SPATA6: variants seen among roughly 807,000 people sequenced by gnomAD.
SPATA6 encodes spermatogenesis-associated protein 6.
In SPATA6, 56 loss-of-function variants were observed where a neutral mutation model predicts 65.3. That is an observed-to-expected ratio of 0.86 (90% CI 0.69 to 1.07). SPATA6 has a LOEUF of 1.07. SPATA6 is among the 50% of genes least tolerant of loss of function. The pLI is 0.00. For missense variants in SPATA6, 590 were observed against 594.8 expected (o/e 0.99, Z 0.08); for synonymous variants, 199 against 213.2 (o/e 0.93, Z 0.58).
At position 48,316,513 on chromosome 1, in the gene SPATA6, C is replaced by A. The variant is rs1278010852; in HGVS notation, c.1195-10635G>T. Among the ~76,000 whole-genome samples, 4 of 152,248 alleles carry A rather than the reference C, an allele frequency of 2.6e-5. No individual in the cohort carries two copies. The South Asian group carries it at 8.3e-4, about 32-fold the overall frequency. On this transcript the variant is annotated intron_variant, in intron 11 of 12. Coordinates refer to ENST00000371847, the MANE Select transcript of SPATA6 (RefSeq NM_019073.4). ...AGCTGAAACTGGATCCCTTCCTACA[C>A]CTTATACAAAAATTAATTCAAGATG...
Position 48,403,790 on chromosome 1 carries a change from A to G in SPATA6, c.486+12T>C. On this transcript the variant is annotated intron_variant, in intron 6 of 12. Coordinates refer to ENST00000371847, the MANE Select transcript of SPATA6 (RefSeq NM_019073.4). Reference sequence around the variant, plus strand: ...ATTAAACCATTAAATACTTTATACAAATAATTTTAACCTGAGTGTGGCATT... The same window carrying G: ...ATTAAACCATTAAATACTTTATACAGATAATTTTAACCTGAGTGTGGCATT... The G allele has an allele frequency of 6.3e-6, 10 of 1,588,894 alleles. No individual in the cohort carries two copies. The highest frequency in any genetic ancestry group is 8.6e-6 in the Non-Finnish European group (10 of 1,166,494).
At chr1:48,309,914 G>A (rs144078704) in intron 11 of SPATA6, among the ~76,000 whole-genome samples, 7 of 152,266 alleles carry the variant, frequency 4.6e-5, no homozygotes, top group Admixed American at 2.0e-4. Flanking sequence ...AGCCTAAGCC[G>A]TAACTGATTG....
intron 11 of SPATA6, among the ~76,000 whole-genome samples, chr1:48,348,108 CGG>C (rs1166373500): frequency 6.6e-6 from 1 of 151,968 alleles, no homozygotes; most frequent in African/African-American, 2.4e-5. Context: ...CTAGCTTTTG[CGG>C]GCAGTGGGCA....
At chr1:48,367,482 G>C (rs958858928) in intron 9 of SPATA6, among the ~76,000 whole-genome samples, 12 of 152,198 alleles carry the variant, frequency 7.9e-5, no homozygotes, top group African/African-American at 2.9e-4. Context: ...GCATGCTCCT[G>C]TATTTGGTGC....
At chr1:48,453,554 C>A (rs1348577582) in intron 1 of SPATA6, among the ~76,000 whole-genome samples, 8 of 152,326 alleles carry the variant, frequency 5.3e-5, no homozygotes, top group African/African-American at 1.9e-4. Context: ...AACCACAAAT[C>A]TGACTTCTAT....
At chr1:48,457,249 T>C (rs574572160) in intron 1 of SPATA6, among the ~76,000 whole-genome samples, 15 of 152,048 alleles carry the variant, frequency 9.9e-5, no homozygotes, top group Admixed American at 8.5e-4. Flanking sequence ...TTGGCCAACA[T>C]GGCGAAACCC....
chr1:48,406,645 C>A (rs757997376), intron 5 of SPATA6, among the ~76,000 whole-genome samples: 14 of 152,168 alleles, frequency 9.2e-5, no homozygotes, highest in Non-Finnish European at 1.3e-4. Flanking sequence ...ATGGAGTTCA[C>A]AATCTAGAAC....
chr1:48,369,142 G>T (rs1419125964), intron 9 of SPATA6, among the ~76,000 whole-genome samples: 1 of 152,140 alleles, frequency 6.6e-6, no homozygotes, highest in Non-Finnish European at 1.5e-5. Context: ...TGCCTGATCG[G>T]TCCTCTGGAA....
intron 11 of SPATA6, among the ~76,000 whole-genome samples, chr1:48,311,987 AG>A (rs1371811368): frequency 6.6e-6 from 1 of 152,182 alleles, no homozygotes; most frequent in Non-Finnish European, 1.5e-5. Context: ...CAACAGTCTG[AG>A]ATAAAACTGC....
At chr1:48,279,964 G>C in the SPATA6 span, among the ~76,000 whole-genome samples, 1 of 152,156 alleles carries the variant, frequency 6.6e-6, no homozygotes, top group South Asian at 2.1e-4. Flanking sequence ...TAAAAGAACA[G>C]AAATTATAAC....
intron 8 of SPATA6, among the ~76,000 whole-genome samples, chr1:48,387,235 A>G (rs1649570903): frequency 6.6e-6 from 1 of 152,082 alleles, no homozygotes; most frequent in Admixed American, 6.5e-5. Flanking sequence ...ATTGCCTCCC[A>G]CCAGGCTCCT....
chr1:48,420,726 T>C (rs79478492), intron 3 of SPATA6, among the ~76,000 whole-genome samples: 2,050 of 152,264 alleles, frequency 0.013, 27 homozygotes, highest in Non-Finnish European at 0.017. Flanking sequence ...AGTTGCAGCA[T>C]TGACCCAGTA....
intron 11 of SPATA6, among the ~76,000 whole-genome samples, chr1:48,350,006 T>G (rs1018514753): frequency 2.0e-5 from 3 of 151,904 alleles, no homozygotes; most frequent in African/African-American, 7.2e-5. Flanking sequence ...GGTCATATGA[T>G]AAGTATATGT....
At chr1:48,310,043 A>G (rs947262107) in intron 11 of SPATA6, among the ~76,000 whole-genome samples, 1 of 152,232 alleles carries the variant, frequency 6.6e-6, no homozygotes, top group Non-Finnish European at 1.5e-5. Context: ...GTATTCTAAA[A>G]TCCCAGGAAT....
At chr1:48,419,647 A>T (rs977445680) in intron 3 of SPATA6, among the ~76,000 whole-genome samples, 4 of 152,314 alleles carry the variant, frequency 2.6e-5, no homozygotes, top group Non-Finnish European at 4.4e-5. Context: ...AAGTATGGGT[A>T]AGGGTAGGTT....
chr1:48,282,568 C>A, the SPATA6 span, among the ~76,000 whole-genome samples: 41 of 152,014 alleles, frequency 2.7e-4, no homozygotes, highest in Admixed American at 2.6e-3. Context: ...TATGCAGCCA[C>A]AAAACACATG....
At chr1:48,338,994 A>AT (rs1646133755) in intron 11 of SPATA6, among the ~76,000 whole-genome samples, 1 of 152,054 alleles carries the variant, frequency 6.6e-6, no homozygotes, top group Non-Finnish European at 1.5e-5. Flanking sequence ...ACTGCTCAAC[A>AT]TAACTGGTAA....
intron 11 of SPATA6, among the ~76,000 whole-genome samples, chr1:48,317,540 G>T (rs1019840544): frequency 3.3e-5 from 5 of 151,874 alleles, no homozygotes; most frequent in Admixed American, 2.0e-4. Flanking sequence ...GGTGGGGGGA[G>T]AGGGGAGGGA....
chr1:48,368,138 G>C (rs1025596465), intron 9 of SPATA6, among the ~76,000 whole-genome samples: 8 of 152,156 alleles, frequency 5.3e-5, no homozygotes, highest in Admixed American at 2.0e-4. Flanking sequence ...CTCTCTCCTG[G>C]CTTGTAGAGT....
Sources: allele counts gnomAD v4.1 joint callset (sites outside exome capture counted in the v4.1 genomes callset), GRCh38; gene constraint gnomAD v4.1.1; transcripts MANE v1.5; gene names NCBI Gene and HGNC (gene_info 2026-07-23, HGNC 2026-07-21).